HIVEP3: variants seen among roughly 807,000 people sequenced by gnomAD.
HIVEP3 encodes transcription factor HIVEP3.
HIVEP3 carries 49 observed loss-of-function variants against 152.8 expected under a neutral mutation model. The observed-to-expected ratio is 0.32, with a 90% CI of 0.26 to 0.41. The LOEUF is 0.41. Among genes scored for constraint, HIVEP3 ranks in the 10% least tolerant of loss-of-function variants. The pLI is 1.00. For missense variants in HIVEP3, 2,790 were observed against 3,103.3 expected, an observed-to-expected ratio of 0.90 and a Z score of 2.40; for synonymous variants, 1,269 against 1,289.0, an observed-to-expected ratio of 0.98 and a Z score of 0.33.
chr1:41,545,002 T>C (rs1166338802), intron 5 of HIVEP3, among the ~76,000 whole-genome samples: 21 of 38,118 alleles, frequency 5.5e-4, no homozygotes, highest in East Asian at 1.3e-3. Context: ...ATCGCTACCA[T>C]CACCACCACC....
chr1:41,600,314 C>G (rs1344080123), intron 3 of HIVEP3, among the ~76,000 whole-genome samples: 4 of 152,128 alleles, frequency 2.6e-5, no homozygotes, highest in African/African-American at 9.7e-5. Flanking sequence ...TGGAAGCAAT[C>G]CAAATGTCCA....
At chr1:41,844,587 T>C (rs766547287) in intron 1 of HIVEP3, among the ~76,000 whole-genome samples, 5 of 152,170 alleles carry the variant, frequency 3.3e-5, no homozygotes, top group Non-Finnish European at 7.3e-5. Context: ...CCTTTCATTT[T>C]CTAAGTGGGG....
chr1:41,814,453 G>A (rs640684), intron 1 of HIVEP3, among the ~76,000 whole-genome samples: 55,990 of 152,110 alleles, frequency 0.37, 11,523 homozygotes, highest in East Asian at 0.8. Flanking sequence ...AGACCCATGA[G>A]GGTTAAGGGA....
chr1:41,720,145 A>C (rs778763166), intron 1 of HIVEP3, among the ~76,000 whole-genome samples: 1 of 152,082 alleles, frequency 6.6e-6, no homozygotes, highest in Non-Finnish European at 1.5e-5. Flanking sequence ...CCCACCCTCC[A>C]TCTACATCGC....
intron 1 of HIVEP3, among the ~76,000 whole-genome samples, chr1:42,024,992 G>C (rs1220593377): frequency 6.6e-6 from 1 of 152,094 alleles, no homozygotes; most frequent in Non-Finnish European, 1.5e-5. Flanking sequence ...TTTTGTTGTT[G>C]TTGTTCCTGC....
chr1:41,891,824 T>C (rs751814604), intron 1 of HIVEP3, among the ~76,000 whole-genome samples: 11 of 152,228 alleles, frequency 7.2e-5, no homozygotes, highest in Non-Finnish European at 1.6e-4. Context: ...CAGTCACTTC[T>C]TCCCATGTCC....
At chr1:41,705,541 C>T (rs1470649395) in intron 1 of HIVEP3, among the ~76,000 whole-genome samples, 1 of 152,188 alleles carries the variant, frequency 6.6e-6, no homozygotes, top group Admixed American at 6.5e-5. Context: ...AACAAAAGTG[C>T]AGACCGAGGC....
At chr1:41,537,001 G>A (rs1643417882) in intron 5 of HIVEP3, among the ~76,000 whole-genome samples, 1 of 152,176 alleles carries the variant, frequency 6.6e-6, no homozygotes, top group African/African-American at 2.4e-5. Context: ...TAAAATACAA[G>A]AGGCGGATCC....
intron 1 of HIVEP3, among the ~76,000 whole-genome samples, chr1:41,944,853 T>C (rs886469300): frequency 6.6e-6 from 1 of 152,024 alleles, no homozygotes; most frequent in Non-Finnish European, 1.5e-5. Flanking sequence ...ATGGGAAACA[T>C]TCCCCCCAAG....
Position 41,709,136 on chromosome 1 carries a change from C to T in HIVEP3, c.-800-8141G>A, listed in dbSNP as rs76702803. 1.6e-3 allele frequency among the ~76,000 whole-genome samples: 246 copies of T among 152,334 alleles called. 6 individuals are homozygous for T. The East Asian group carries it at 0.041, about 25-fold the overall frequency. On this transcript the variant is annotated intron_variant, in intron 1 of 8. Transcript: ENST00000372583. ...CTACCCATGGCCTTGGGTCATGACACTGCAGCTATGGAGGTGAGGCTGGCC... is the reference window on the plus strand; with the variant it reads ...CTACCCATGGCCTTGGGTCATGACATTGCAGCTATGGAGGTGAGGCTGGCC...
intron 8 of HIVEP3, 35 bp downstream of exon 8, chr1:41,512,781 G>C (rs1458438365): frequency 1.4e-6 from 2 of 1,450,760 alleles, no homozygotes; most frequent in Non-Finnish European, 1.8e-6. Flanking sequence ...ACCCACAGGG[G>C]AGAAGCGGCC....
chr1:41,603,079 T>G (rs1644769454), intron 3 of HIVEP3, among the ~76,000 whole-genome samples: 1 of 152,142 alleles, frequency 6.6e-6, no homozygotes, highest in East Asian at 1.9e-4. Context: ...TTATTTTTTA[T>G]TTTTTGAGAC....
intron 1 of HIVEP3, among the ~76,000 whole-genome samples, chr1:41,876,169 A>C (rs1304636621): frequency 6.6e-6 from 1 of 151,796 alleles, no homozygotes; most frequent in Non-Finnish European, 1.5e-5. Context: ...GGTATTCATC[A>C]AAAATTTTTA....
chr1:41,941,054 C>A (rs1403072757), intron 1 of HIVEP3, among the ~76,000 whole-genome samples: 2 of 152,182 alleles, frequency 1.3e-5, no homozygotes, highest in Admixed American at 1.3e-4. Context: ...TTGGATTTGA[C>A]ATCACTGAGG....
chr1:41,954,520 C>T (rs975402561), intron 1 of HIVEP3, among the ~76,000 whole-genome samples: 1 of 152,276 alleles, frequency 6.6e-6, no homozygotes, highest in South Asian at 2.1e-4. Flanking sequence ...CCCCACCCTG[C>T]GGGGTCTGGC....
At chr1:41,536,202 G>A (rs1430663898) in intron 5 of HIVEP3, among the ~76,000 whole-genome samples, 4 of 152,102 alleles carry the variant, frequency 2.6e-5, no homozygotes, top group Admixed American at 2.0e-4. Flanking sequence ...TGGGCTCCCC[G>A]TCACTAGCAC....
chr1:41,935,528 T>C (rs1445275831), intron 1 of HIVEP3, among the ~76,000 whole-genome samples: 1 of 152,030 alleles, frequency 6.6e-6, no homozygotes, highest in Admixed American at 6.6e-5. Context: ...GGACTATTTG[T>C]TGAGTGAACA....
At chr1:41,608,663 T>C (rs917317092) in intron 3 of HIVEP3, among the ~76,000 whole-genome samples, 3 of 152,246 alleles carry the variant, frequency 2.0e-5, no homozygotes, top group Non-Finnish European at 1.5e-5. Flanking sequence ...CTGCTCTGAT[T>C]GCTCTGTCTG....
intron 1 of HIVEP3, among the ~76,000 whole-genome samples, chr1:41,953,746 G>A (rs1345119021): frequency 6.6e-6 from 1 of 152,130 alleles, no homozygotes; most frequent in African/African-American, 2.4e-5. Context: ...AGGAAAATTG[G>A]GATAATGAGA....
Sources: allele counts gnomAD v4.1 joint callset (sites outside exome capture counted in the v4.1 genomes callset), GRCh38; gene constraint gnomAD v4.1.1; transcripts MANE v1.5; gene names NCBI Gene and HGNC (gene_info 2026-07-23, HGNC 2026-07-21).